Variants in DAGLB observed in about 807,000 individuals in gnomAD.
DAGLB encodes diacylglycerol lipase-beta.
DAGLB carries 66 observed loss-of-function variants against 72.1 expected under a neutral mutation model. That is an observed-to-expected ratio of 0.92 (90% confidence interval 0.75 to 1.12). The LOEUF (loss-of-function observed/expected upper bound fraction) is 1.12, where lower values mean the gene tolerates loss of function less well. Ranked by LOEUF, DAGLB falls within the 50% of genes most tolerant of loss-of-function variation. The pLI, the probability that DAGLB is intolerant of heterozygous loss-of-function variation, is 0.00. For missense variants in DAGLB, 1,065 were observed against 884.9 expected, an observed-to-expected ratio of 1.20 and a Z score of -2.58; for synonymous variants, 414 against 359.5, an observed-to-expected ratio of 1.15 and a Z score of -1.71.
intron 9 of DAGLB, among the ~76,000 whole-genome samples, chr7:6,418,704 G>T (rs1320424337): frequency 1.3e-5 from 2 of 150,558 alleles, no homozygotes; most frequent in Admixed American, 1.3e-4. Flanking sequence ...TCGCTTTGTC[G>T]CCCAGGCTGG....
chr7:6,427,093 G>A (rs1001700836), intron 6 of DAGLB, among the ~76,000 whole-genome samples: 2 of 152,132 alleles, frequency 1.3e-5, no homozygotes, highest in African/African-American at 4.8e-5. Flanking sequence ...AGGTGACAGA[G>A]TGAGACTCCG....
At chr7:6,414,087 T>C (rs1483978241) in intron 11 of DAGLB, among the ~76,000 whole-genome samples, 1 of 152,160 alleles carries the variant, frequency 6.6e-6, no homozygotes, top group African/African-American at 2.4e-5. Flanking sequence ...CTCAGCTCAC[T>C]GCAACCTCCA....
chr7:6,425,362 C>T (rs531844520), intron 7 of DAGLB, among the ~76,000 whole-genome samples: 1 of 152,264 alleles, frequency 6.6e-6, no homozygotes, highest in South Asian at 2.1e-4. Context: ...ACCTCCGCCT[C>T]CCGGATTCAA....
intron 2 of DAGLB, among the ~76,000 whole-genome samples, chr7:6,444,887 CAG>C: frequency 6.6e-6 from 1 of 152,294 alleles, no homozygotes; most frequent in Non-Finnish European, 1.5e-5. Context: ...GCCTGGGTGA[CAG>C]AGTGTGACTC....
chr7:6,427,955 G>T (rs989150829), intron 6 of DAGLB, among the ~76,000 whole-genome samples: 7 of 152,148 alleles, frequency 4.6e-5, no homozygotes, highest in African/African-American at 1.7e-4. Context: ...AATAATTTAA[G>T]AATCTATAAA....
In DAGLB at chr7:6,419,278, G is replaced by A. The variant is rs560930139; in HGVS notation, c.1219-2357C>T. Among the ~76,000 whole-genome samples, 24 of 152,134 alleles carry A rather than the reference G, an allele frequency of 1.6e-4. No homozygotes were observed. The South Asian group carries it at 4.6e-3, about 29-fold the overall frequency. On this transcript the variant is annotated intron_variant, in intron 9 of 14. Coordinates refer to ENST00000297056, the MANE Select transcript of DAGLB (RefSeq NM_139179.4). ...CTCAAAGTGCTGGGATTACAGGTGT[G>A]AGCCACTGCACCCGGCCCTGACAGC...
chr7:6,416,969 G>C, intron 9 of DAGLB, 48 bp from the exon 10 acceptor site: 2 of 1,602,534 alleles, frequency 1.2e-6, no homozygotes. Flanking sequence ...AGACAAGGCA[G>C]GCCCAGCAGA....
Position 6,412,947 on chromosome 7 carries a change from C to T in DAGLB, c.1496+19G>A, listed in dbSNP as rs373578617. The T allele has an allele frequency of 3.3e-4, 535 of 1,613,768 alleles. No homozygotes were observed. Among genetic ancestry groups the T allele is most frequent in the Non-Finnish European group, 4.2e-4 (496 of 1,179,830 alleles). ...ACTCCCAACCCCCCAGCCCTGGGCA[C>T]AGCACCAGGTGGGCTTACCTGGGAA... On this transcript the variant is annotated intron_variant, in intron 12 of 14. Coordinates refer to ENST00000297056, the MANE Select transcript of DAGLB (RefSeq NM_139179.4).
intron 9 of DAGLB, among the ~76,000 whole-genome samples, chr7:6,420,947 C>T (rs562968202): frequency 1.8e-3 from 267 of 152,312 alleles, no homozygotes; most frequent in South Asian, 0.013. Flanking sequence ...GACCCTGGTG[C>T]GCACTCTCTG....
Position 6,410,229 on chromosome 7 carries a change from C to T in DAGLB, c.1721G>A (p.Ser574Asn). Residue 574 changes from serine (S) to asparagine (N), a missense_variant, in exon 14 of 15, where the codon AGC (serine) becomes AAC (asparagine). Physicochemically the swap from Ser to Asn is conservative, Grantham distance 46. Coordinates refer to ENST00000297056, the MANE Select transcript of DAGLB (RefSeq NM_139179.4). Reference sequence around the variant, plus strand: ...GTCCAGTGGGGAGTCGCTGGAGAAGCTGTAGGCCGGGGACCAGCGCGTCAG... The same window carrying T: ...GTCCAGTGGGGAGTCGCTGGAGAAGTTGTAGGCCGGGGACCAGCGCGTCAG... ...SLLTRWSPAY[S>N]FSSDSPLDSS... The T allele has an allele frequency of 6.2e-7, 1 of 1,611,710 alleles. No homozygotes were observed. The highest frequency in any genetic ancestry group is 1.3e-5 in the African/African-American group (1 of 75,004).
chr7:6,424,247 G>A lies in DAGLB; in HGVS notation c.1140+505C>T, dbSNP rs555283601. ...GGAGTATGGACTGAGGAAGACAGAAGAGGGGCCATGGGCTGGGGATGGATG... is the reference window on the plus strand; with the variant it reads ...GGAGTATGGACTGAGGAAGACAGAAAAGGGGCCATGGGCTGGGGATGGATG... On this transcript the variant is annotated intron_variant, in intron 8 of 14. Coordinates refer to ENST00000297056, the MANE Select transcript of DAGLB (RefSeq NM_139179.4). 2.0e-5 allele frequency among the ~76,000 whole-genome samples: 3 copies of A among 152,352 alleles called. No homozygotes were observed. The East Asian group carries it at 5.8e-4, about 29-fold the overall frequency.
At chr7:6,439,381 A>T (rs868855908) in intron 2 of DAGLB, among the ~76,000 whole-genome samples, 1 of 152,118 alleles carries the variant, frequency 6.6e-6, no homozygotes, top group Non-Finnish European at 1.5e-5. Context: ...CCCATAACCG[A>T]CAAGCACAGC....
chr7:6,443,342 A>G (rs376692224), intron 2 of DAGLB, among the ~76,000 whole-genome samples: 35 of 150,544 alleles, frequency 2.3e-4, no homozygotes, highest in African/African-American at 6.8e-4. Context: ...AATCTCAGCT[A>G]GTTGGGAGGC....
Position 6,442,446 on chromosome 7 carries a change from G to GA in DAGLB, c.247+3506dup, listed in dbSNP as rs199987842. 1.3e-3 allele frequency among the ~76,000 whole-genome samples: 199 copies of GA among 147,550 alleles called. 4 individuals are homozygous for GA. The South Asian group carries it at 0.028, about 21-fold the overall frequency. ...ATCTCAACACAAACAAACATGTAAG[G>GA]AAAAAAAAAAGTACACCGACTGCTT... On this transcript the variant is annotated intron_variant, in intron 2 of 14. Coordinates refer to ENST00000297056, the MANE Select transcript of DAGLB (RefSeq NM_139179.4).
rs753716313 is a variant in DAGLB, at chr7:6,416,655, CGTAGCACCTGACCTGCGG to C, written c.1381_1398del (p.Pro461_Tyr466del). The C allele has an allele frequency of 1.9e-6, 3 of 1,613,180 alleles. No individual in the cohort carries two copies. In the South Asian group the frequency reaches 3.3e-5, roughly 18 times the overall value. ...CACAGCCCCCGGGGTGGGGAGAAGGCGTAGCACCTGACCTGCGGGTAGGCGGCTCTGAGCATGGTGGCC... is the reference window on the plus strand; with the variant it reads ...CACAGCCCCCGGGGTGGGGAGAAGGCGTAGGCGGCTCTGAGCATGGTGGCC... On this transcript the variant is annotated inframe_deletion, in exon 11 of 15. Coordinates refer to ENST00000297056, the MANE Select transcript of DAGLB (RefSeq NM_139179.4).
intron 7 of DAGLB, among the ~76,000 whole-genome samples, chr7:6,425,622 C>T (rs1784285922): frequency 6.6e-6 from 1 of 152,098 alleles, no homozygotes; most frequent in African/African-American, 2.4e-5. Context: ...CCCCAGAGTG[C>T]CAGACCTGCT....
intron 2 of DAGLB, among the ~76,000 whole-genome samples, chr7:6,442,028 G>C (rs1051414958): frequency 6.6e-6 from 1 of 152,080 alleles, no homozygotes; most frequent in Non-Finnish European, 1.5e-5. Flanking sequence ...GCTTCAGCCA[G>C]GAGAGCGACG....
chr7:6,432,743 G>T, intron 5 of DAGLB, 94 bp downstream of exon 5: 1 of 1,433,854 alleles, frequency 7.0e-7, no homozygotes, highest in Non-Finnish European at 9.2e-7. Context: ...TGAAGGAAGG[G>T]AGGAAGAAAT....
chr7:6,433,231 T>C (rs1191500703), intron 4 of DAGLB, among the ~76,000 whole-genome samples: 1 of 152,220 alleles, frequency 6.6e-6, no homozygotes, highest in African/African-American at 2.4e-5. Flanking sequence ...CAACTATTTT[T>C]AATCTACTTC....
Sources: gnomAD v4.1 joint callset for allele counts (sites outside exome capture counted in the v4.1 genomes callset) on GRCh38, gnomAD v4.1.1 for gene constraint, MANE v1.5 for transcripts, NCBI Gene and HGNC (gene_info 2026-07-23, HGNC 2026-07-21) for gene names.